The following NPAS3 variants were observed in gnomAD, a reference collection of about 807,000 sequenced individuals.
The protein encoded by NPAS3 is neuronal PAS domain protein 3, also known as neuronal PAS domain-containing protein 3.
A neutral mutation model predicts 73.1 loss-of-function variants in NPAS3; 14 were observed. The observed-to-expected ratio is 0.19, with a 90% CI of 0.13 to 0.30. The LOEUF is 0.30. Ranked by LOEUF, NPAS3 falls within the 10% of genes least tolerant of loss-of-function variation. The pLI is 1.00. For missense variants in NPAS3, 1,096 were observed against 1,250.0 expected, an observed-to-expected ratio of 0.88 and a Z score of 1.86; for synonymous variants, 620 against 541.5, an observed-to-expected ratio of 1.14 and a Z score of -2.01.
chr14:33,345,070 A>G (rs1055227788), intron 3 of NPAS3, among the ~76,000 whole-genome samples: 1 of 152,220 alleles, frequency 6.6e-6, no homozygotes, highest in Non-Finnish European at 1.5e-5. Context: ...CACCTGGTCA[A>G]GTGGTTAAGG....
intron 3 of NPAS3, among the ~76,000 whole-genome samples, chr14:33,308,895 T>G (rs2042891601): frequency 6.6e-6 from 1 of 152,162 alleles, no homozygotes; most frequent in Non-Finnish European, 1.5e-5. Flanking sequence ...GAAAAAGTTT[T>G]TATTATATAT....
At chr14:33,089,111 C>T (rs988166555) in intron 2 of NPAS3, among the ~76,000 whole-genome samples, 10 of 152,026 alleles carry the variant, frequency 6.6e-5, no homozygotes, top group Admixed American at 2.0e-4. Flanking sequence ...TCCAAAGGAA[C>T]GCAGCTGCTC....
At chr14:33,420,497 T>C (rs1301138491) in intron 4 of NPAS3, among the ~76,000 whole-genome samples, 1 of 151,730 alleles carries the variant, frequency 6.6e-6, no homozygotes, top group Non-Finnish European at 1.5e-5. Context: ...CTGTGGTTTT[T>C]CCCTGTGTTT....
chr14:33,244,611 C>T (rs1485351606), intron 3 of NPAS3, among the ~76,000 whole-genome samples: 3 of 151,964 alleles, frequency 2.0e-5, no homozygotes, highest in Non-Finnish European at 4.4e-5. Flanking sequence ...TTTCATTTTA[C>T]AGATGAAACA....
At chr14:33,702,004 A>T (rs2060536912) in intron 6 of NPAS3, among the ~76,000 whole-genome samples, 1 of 152,224 alleles carries the variant, frequency 6.6e-6, no homozygotes, top group Non-Finnish European at 1.5e-5. Flanking sequence ...TGGTAGAAAA[A>T]AAGTAGATTG....
At chr14:33,774,573 A>G (rs1336477796) in intron 8 of NPAS3, 43 bp downstream of exon 8, 7 of 1,504,442 alleles carry the variant, frequency 4.7e-6, no homozygotes, top group African/African-American at 1.4e-5. Flanking sequence ...CACGTTGCAC[A>G]TTGGTGAGGG....
intron 5 of NPAS3, among the ~76,000 whole-genome samples, chr14:33,627,353 A>T (rs1028276499): frequency 1.3e-5 from 2 of 152,140 alleles, no homozygotes; most frequent in Admixed American, 1.3e-4. Context: ...ACCTTTGTGA[A>T]GTTCCAAGAA....
At chr14:33,548,630 C>T (rs968810900) in intron 4 of NPAS3, among the ~76,000 whole-genome samples, 8 of 152,154 alleles carry the variant, frequency 5.3e-5, no homozygotes, top group Admixed American at 1.3e-4. Flanking sequence ...GTTTACCCAG[C>T]GATTACTCAG....
At chr14:33,053,173 C>T (rs1421188929) in intron 1 of NPAS3, among the ~76,000 whole-genome samples, 1 of 152,132 alleles carries the variant, frequency 6.6e-6, no homozygotes, top group African/African-American at 2.4e-5. Flanking sequence ...TTGCTTGCCA[C>T]TAGACAAATC....
At chr14:33,763,839 G>A (rs1258442986) in intron 7 of NPAS3, among the ~76,000 whole-genome samples, 2 of 136,894 alleles carry the variant, frequency 1.5e-5, no homozygotes, top group Admixed American at 6.8e-5. Context: ...AATTTGGGGA[G>A]TATTGGTTTT....
chr14:33,169,974 T>C (rs1388398488), intron 2 of NPAS3, among the ~76,000 whole-genome samples: 1 of 152,188 alleles, frequency 6.6e-6, no homozygotes, highest in Non-Finnish European at 1.5e-5. Flanking sequence ...ATACATCTTG[T>C]AGTTTTGTGG....
chr14:33,178,543 T>C (rs2045682087), intron 2 of NPAS3, among the ~76,000 whole-genome samples: 2 of 152,224 alleles, frequency 1.3e-5, no homozygotes, highest in African/African-American at 2.4e-5. Context: ...TACAAGTATG[T>C]ACTTGGCTAA....
intron 2 of NPAS3, among the ~76,000 whole-genome samples, chr14:33,080,200 G>A (rs763411490): frequency 1.3e-5 from 2 of 151,636 alleles, no homozygotes; most frequent in Non-Finnish European, 2.9e-5. Context: ...CTCTGCCTCC[G>A]GGGTTCACAC....
At chr14:33,302,499 T>TGCA (rs1439708932) in intron 3 of NPAS3, among the ~76,000 whole-genome samples, 1 of 152,204 alleles carries the variant, frequency 6.6e-6, no homozygotes, top group Non-Finnish European at 1.5e-5. Context: ...TATTAGTCTA[T>TGCA]GCATCAAAGT....
At chr14:33,557,459 C>A (rs1236150301) in intron 4 of NPAS3, among the ~76,000 whole-genome samples, 2 of 152,206 alleles carry the variant, frequency 1.3e-5, no homozygotes, top group African/African-American at 4.8e-5. Context: ...TTAAGATGTA[C>A]AGGCTGCCTC....
At chr14:33,384,002 G>T (rs528779906) in intron 4 of NPAS3, among the ~76,000 whole-genome samples, 1 of 152,038 alleles carries the variant, frequency 6.6e-6, no homozygotes, top group Non-Finnish European at 1.5e-5. Context: ...TTTGAAATCC[G>T]CATGATATTC....
At chr14:33,266,889 G>A (rs573537369) in intron 3 of NPAS3, among the ~76,000 whole-genome samples, 1 of 152,256 alleles carries the variant, frequency 6.6e-6, no homozygotes, top group African/African-American at 2.4e-5. Flanking sequence ...AATATCAAAG[G>A]TCTGAATGCA....
chr14:33,715,483 C>T (rs1225158048), intron 6 of NPAS3, among the ~76,000 whole-genome samples: 1 of 152,126 alleles, frequency 6.6e-6, no homozygotes. Context: ...ACTCCCAACT[C>T]TGTTCCTGGG....
At chr14:33,447,158 A>G (rs2049549361) in intron 4 of NPAS3, among the ~76,000 whole-genome samples, 1 of 152,246 alleles carries the variant, frequency 6.6e-6, no homozygotes, top group Non-Finnish European at 1.5e-5. Flanking sequence ...GTTGGGGCCT[A>G]AAGGACTATC....
Sources: allele counts gnomAD v4.1 joint callset (sites outside exome capture counted in the v4.1 genomes callset), GRCh38; gene constraint gnomAD v4.1.1; transcripts MANE v1.5; gene names NCBI Gene and HGNC (gene_info 2026-07-23, HGNC 2026-07-21).